ZNF804A: variants seen among roughly 807,000 people sequenced by gnomAD.
ZNF804A encodes zinc finger protein 804A.
A neutral mutation model predicts 16.5 loss-of-function variants in ZNF804A; 2 were observed. The observed-to-expected ratio is 0.12, with a 90% CI of 0.05 to 0.38. The LOEUF (loss-of-function observed/expected upper bound fraction) is 0.38. Among genes scored for constraint, ZNF804A ranks in the 10% least tolerant of loss-of-function variants. The pLI, the probability that ZNF804A is intolerant of heterozygous loss-of-function variation, is 0.99. For missense variants in ZNF804A, 1,473 were observed against 1,390.7 expected, an observed-to-expected ratio of 1.06 and a Z score of -0.94; for synonymous variants, 534 against 489.6, an observed-to-expected ratio of 1.09 and a Z score of -1.20.
At chr2:184,830,079 G>C (rs1574232003) in intron 1 of ZNF804A, among the ~76,000 whole-genome samples, 1 of 150,082 alleles carries the variant, frequency 6.7e-6, no homozygotes, top group East Asian at 2.0e-4. Flanking sequence ...CTGGGTGCCA[G>C]GGCAAGACCC....
chr2:184,663,474 G>A (rs1692210430), intron 1 of ZNF804A, among the ~76,000 whole-genome samples: 1 of 152,110 alleles, frequency 6.6e-6, no homozygotes, highest in Admixed American at 6.5e-5. Flanking sequence ...CTCGGTGTGG[G>A]CCTGCAGGTG....
chr2:184,757,649 T>C (rs576953284), intron 1 of ZNF804A, among the ~76,000 whole-genome samples: 1 of 152,138 alleles, frequency 6.6e-6, no homozygotes, highest in South Asian at 2.1e-4. Flanking sequence ...TTTGTCATTA[T>C]AGTTTGAAGA....
Position 184,937,830 on chromosome 2 carries a change from C to T in ZNF804A, c.2434C>T (p.Arg812Trp), listed in dbSNP as rs1280734547. The T allele has an allele frequency of 1.2e-6, 2 of 1,613,984 alleles. No individual in the cohort carries two copies. Among genetic ancestry groups the T allele is most frequent in the Admixed American group, 1.7e-5 (1 of 59,966 alleles). ...TGCTCCCTGCAAGCCTAAAAAGAAACGGAGGCGAAAAAGAGGCAGATTCCA... is the reference window on the plus strand; with the variant it reads ...TGCTCCCTGCAAGCCTAAAAAGAAATGGAGGCGAAAAAGAGGCAGATTCCA... Reference protein sequence around the residue: ...SVAPCKPKKKRRRKRGRFHPG... With the variant: ...SVAPCKPKKKWRRKRGRFHPG... The change falls in exon 4 of 4, where the codon CGG (arginine) becomes TGG (tryptophan). Residue 812 changes from arginine (R) to tryptophan (W), a missense_variant. Physicochemically the swap from Arg to Trp is moderately radical, Grantham distance 101. Transcript: ENST00000302277.
intron 1 of ZNF804A, among the ~76,000 whole-genome samples, chr2:184,669,981 C>T (rs1408045518): frequency 2.0e-5 from 3 of 151,984 alleles, no homozygotes; most frequent in Non-Finnish European, 4.4e-5. Context: ...TTAAACTATA[C>T]TAATGTTTGT....
chr2:184,829,830 G>C (rs1695230037), intron 1 of ZNF804A, among the ~76,000 whole-genome samples: 1 of 137,814 alleles, frequency 7.3e-6, no homozygotes, highest in Admixed American at 8.4e-5. Context: ...GGAAGGCCAA[G>C]ACTGGCAGAT....
At chr2:184,903,631 A>C (rs1171368247) in intron 2 of ZNF804A, among the ~76,000 whole-genome samples, 1 of 152,110 alleles carries the variant, frequency 6.6e-6, no homozygotes, top group Non-Finnish European at 1.5e-5. Context: ...CCTACTCTAA[A>C]CCAGAAACTG....
chr2:184,698,413 A>G (rs1185253749), intron 1 of ZNF804A, among the ~76,000 whole-genome samples: 1 of 152,098 alleles, frequency 6.6e-6, no homozygotes, highest in Non-Finnish European at 1.5e-5. Flanking sequence ...CACTACTACC[A>G]TTTAAATCAT....
rs1158366851 is a variant in ZNF804A at position 184,653,255 on chromosome 2, C to T, written c.111+54185C>T. On this transcript the variant is annotated intron_variant, in intron 1 of 3. Transcript: ENST00000302277. ...TAATGGGCTTGTTAAGAATTAAAAA[C>T]TTAAATATTTATATATACGAATTTC... Among the ~76,000 whole-genome samples, 36 of 152,070 alleles carry T rather than the reference C, an allele frequency of 2.4e-4. 1 individual carries two copies. The highest frequency in any genetic ancestry group is 2.4e-3 in the Admixed American group (36 of 15,262).
At chr2:184,696,476 T>A (rs1260493830) in intron 1 of ZNF804A, among the ~76,000 whole-genome samples, 2 of 152,236 alleles carry the variant, frequency 1.3e-5, no homozygotes, top group East Asian at 1.9e-4. Flanking sequence ...CTTATATGGC[T>A]TTTTGGGGTC....
intron 1 of ZNF804A, among the ~76,000 whole-genome samples, chr2:184,791,421 T>C (rs894375695): frequency 6.6e-6 from 1 of 152,212 alleles, no homozygotes; most frequent in Non-Finnish European, 1.5e-5. Flanking sequence ...TTATGAAGTT[T>C]AGTTTGGCAG....
rs1010562983 is a variant in ZNF804A, at chr2:184,671,074, C to G, written c.111+72004C>G. 9.2e-4 allele frequency among the ~76,000 whole-genome samples: 140 copies of G among 152,132 alleles called. 1 individual carries two copies. Among genetic ancestry groups the G allele is most frequent in the Non-Finnish European group, 7.8e-4 (53 of 68,022 alleles). On this transcript the variant is annotated intron_variant, in intron 1 of 3. Coordinates refer to ENST00000302277, the MANE Select transcript of ZNF804A (RefSeq NM_194250.2). ...AATTATGGATGTAGAACTGGTTTGC[C>G]TGCCTAAAGTGATCACGTTCATACA...
chr2:184,705,052 G>A (rs1574171499), intron 1 of ZNF804A, among the ~76,000 whole-genome samples: 1 of 152,184 alleles, frequency 6.6e-6, no homozygotes, highest in Non-Finnish European at 1.5e-5. Context: ...GGCAAGAAAT[G>A]AGGCAGTGTT....
At chr2:184,859,015 A>T (rs1374904242) in intron 1 of ZNF804A, among the ~76,000 whole-genome samples, 2 of 152,162 alleles carry the variant, frequency 1.3e-5, no homozygotes, top group Non-Finnish European at 2.9e-5. Flanking sequence ...CTGCTGAGAA[A>T]TATGTTGCTC....
rs565753103 is a variant in ZNF804A at position 184,686,759 on chromosome 2, T to C, written c.111+87689T>C. Reference sequence around the variant, plus strand: ...TCCTGACGTGTGAAAAGTTATCTCATTGTGGTTTTGATTTGCACTTCTCTG... The same window carrying C: ...TCCTGACGTGTGAAAAGTTATCTCACTGTGGTTTTGATTTGCACTTCTCTG... On this transcript the variant is annotated intron_variant, in intron 1 of 3. Transcript: ENST00000302277. 4.6e-5 allele frequency among the ~76,000 whole-genome samples: 7 copies of C among 152,348 alleles called. No homozygotes were observed. The South Asian group carries it at 6.2e-4, about 14-fold the overall frequency.
intron 2 of ZNF804A, among the ~76,000 whole-genome samples, chr2:184,879,067 C>T (rs1684764549): frequency 1.3e-5 from 2 of 151,860 alleles, no homozygotes; most frequent in African/African-American, 2.4e-5. Flanking sequence ...CAAATTATGT[C>T]TATACTACTA....
chr2:184,723,971 C>T (rs930267637), intron 1 of ZNF804A, among the ~76,000 whole-genome samples: 1 of 151,700 alleles, frequency 6.6e-6, no homozygotes, highest in African/African-American at 2.4e-5. Flanking sequence ...AATTAACATA[C>T]TTAGAAATTA....
At chr2:184,857,901 T>C (rs1335695662) in intron 1 of ZNF804A, among the ~76,000 whole-genome samples, 1 of 152,174 alleles carries the variant, frequency 6.6e-6, no homozygotes, top group African/African-American at 2.4e-5. Context: ...GTTTATTTAA[T>C]GTATTCAGCC....
chr2:184,849,085 C>A (rs1695564443), intron 1 of ZNF804A, among the ~76,000 whole-genome samples: 1 of 151,980 alleles, frequency 6.6e-6, no homozygotes, highest in African/African-American at 2.4e-5. Flanking sequence ...CTCACTGTGA[C>A]CCTCTTTAAA....
chr2:184,655,800 T>C (rs1250487863), intron 1 of ZNF804A, among the ~76,000 whole-genome samples: 2 of 152,022 alleles, frequency 1.3e-5, no homozygotes, highest in African/African-American at 2.4e-5. Flanking sequence ...TTTTCTGCCT[T>C]AACAATTACC....
Sources: gnomAD v4.1 joint callset for allele counts (sites outside exome capture counted in the v4.1 genomes callset) on GRCh38, gnomAD v4.1.1 for gene constraint, MANE v1.5 for transcripts, NCBI Gene and HGNC (gene_info 2026-07-23, HGNC 2026-07-21) for gene names.